CAMKMT: variants seen among roughly 807,000 people sequenced by gnomAD.
The protein encoded by CAMKMT is CaM KMT.
CAMKMT carries 53 observed loss-of-function variants against 48.0 expected under a neutral mutation model. That is an observed-to-expected ratio of 1.10 (90% CI 0.89 to 1.39). CAMKMT has a LOEUF of 1.39. CAMKMT is among the 40% of genes most tolerant of loss of function. The pLI is 0.00. For synonymous variants in CAMKMT, 165 were observed against 152.3 expected, an observed-to-expected ratio of 1.08 and a Z score of -0.61; for missense variants, 428 against 402.7, an observed-to-expected ratio of 1.06 and a Z score of -0.54.
chr2:44,614,337 G>C (rs1266326347), intron 3 of CAMKMT, among the ~76,000 whole-genome samples: 1 of 152,214 alleles, frequency 6.6e-6, no homozygotes, highest in East Asian at 1.9e-4. Context: ...TACAGTTCCT[G>C]TCTGGTGAGA....
At chr2:44,746,842 G>A (rs1558832925) in intron 8 of CAMKMT, among the ~76,000 whole-genome samples, 1 of 152,174 alleles carries the variant, frequency 6.6e-6, no homozygotes, top group South Asian at 2.1e-4. Context: ...TTAGAATAGT[G>A]AGTGATTGTT....
In CAMKMT at chr2:44,719,470, C is replaced by T. The variant is rs74744736; in HGVS notation, c.623+4117C>T. Among the ~76,000 whole-genome samples, 1,155 of 152,228 alleles carry T rather than the reference C, an allele frequency of 7.6e-3. 18 individuals carry two copies. The highest frequency in any genetic ancestry group is 0.026 in the African/African-American group (1,094 of 41,538). On this transcript the variant is annotated intron_variant, in intron 7 of 10. Transcript: ENST00000378494. Reference sequence around the variant, plus strand: ...GAGTGGTAAACAAGATGGAAAAGGCCGTGCCTTCTTGGAGTTTATGTCCTA... The same window carrying T: ...GAGTGGTAAACAAGATGGAAAAGGCTGTGCCTTCTTGGAGTTTATGTCCTA...
chr2:44,443,164 G>A (rs141548762), intron 3 of CAMKMT, among the ~76,000 whole-genome samples: 10 of 152,154 alleles, frequency 6.6e-5, no homozygotes, highest in Non-Finnish European at 1.0e-4. Context: ...AAAAATGTTC[G>A]TATCATTTGG....
At chr2:44,456,468 G>T in intron 3 of CAMKMT, 1 of 1,406,458 alleles carries the variant, frequency 7.1e-7, no homozygotes, top group Non-Finnish European at 9.6e-7. Context: ...ATATAAATAT[G>T]TACATTCTTG....
At chr2:44,597,279 G>A (rs912982869) in intron 3 of CAMKMT, among the ~76,000 whole-genome samples, 5 of 152,210 alleles carry the variant, frequency 3.3e-5, no homozygotes, top group Admixed American at 1.3e-4. Flanking sequence ...GTCCTTGGCA[G>A]ATGGATTAAT....
chr2:44,756,052 G>C (rs947342309), intron 9 of CAMKMT, among the ~76,000 whole-genome samples: 3 of 152,218 alleles, frequency 2.0e-5, no homozygotes, highest in Non-Finnish European at 4.4e-5. Context: ...AGTTGTGGAT[G>C]GCACATGGAC....
chr2:44,379,682 A>G (rs1041668700), intron 2 of CAMKMT, among the ~76,000 whole-genome samples: 9 of 151,656 alleles, frequency 5.9e-5, no homozygotes, highest in African/African-American at 1.7e-4. Flanking sequence ...GATGTTGAGT[A>G]TCTTTTCATG....
chr2:44,558,895 A>G (rs1010834849), intron 3 of CAMKMT, among the ~76,000 whole-genome samples: 1 of 152,130 alleles, frequency 6.6e-6, no homozygotes, highest in Admixed American at 6.6e-5. Context: ...TGAATTACTC[A>G]TGTAACAAAC....
chr2:44,577,661 G>C (rs1669300985), intron 3 of CAMKMT, among the ~76,000 whole-genome samples: 1 of 134,706 alleles, frequency 7.4e-6, no homozygotes, highest in Non-Finnish European at 1.6e-5. Context: ...GGGAGAGAGA[G>C]GGAGAGGGAG....
intron 3 of CAMKMT, among the ~76,000 whole-genome samples, chr2:44,665,139 C>T (rs546700180): frequency 2.6e-5 from 4 of 152,184 alleles, no homozygotes; most frequent in South Asian, 2.1e-4. Flanking sequence ...GGTGCGATCT[C>T]GGCTCACTGC....
rs542884765 is a variant in CAMKMT, at chr2:44,393,258, A to AT, written c.376+2960dup. ...AACTTATTTACTATTAGAAAAGATA[A>AT]TTTTTTTGTATTTACTTTTTTGTAT... On this transcript the variant is annotated intron_variant, in intron 3 of 10. Coordinates refer to ENST00000378494, the MANE Select transcript of CAMKMT (RefSeq NM_024766.5). The AT allele has an allele frequency of 3.9e-5, 6 of 152,224 alleles. No homozygotes were observed. In the East Asian group the frequency reaches 5.8e-4, roughly 15 times the overall value. The allele number at this position is 152,224 out of a possible 1,614,324, so 9.4% of individuals were successfully genotyped here.
chr2:44,541,971 A>G (rs1031030610), intron 3 of CAMKMT, among the ~76,000 whole-genome samples: 4 of 152,000 alleles, frequency 2.6e-5, no homozygotes, highest in Non-Finnish European at 2.9e-5. Flanking sequence ...TCTACTAAAA[A>G]TACAAATTAA....
chr2:44,562,270 T>G (rs1268300817), intron 3 of CAMKMT, among the ~76,000 whole-genome samples: 1 of 152,162 alleles, frequency 6.6e-6, no homozygotes, highest in Non-Finnish European at 1.5e-5. Context: ...AACAAACGAA[T>G]TCTATTTTTC....
At chr2:44,475,911 T>C (rs565561215) in intron 3 of CAMKMT, among the ~76,000 whole-genome samples, 8 of 152,210 alleles carry the variant, frequency 5.3e-5, no homozygotes, top group Non-Finnish European at 8.8e-5. Context: ...CACCTACTTA[T>C]GTCCCTTAAA....
intron 3 of CAMKMT, among the ~76,000 whole-genome samples, chr2:44,410,555 A>G (rs1683132818): frequency 6.6e-6 from 1 of 152,014 alleles, no homozygotes; most frequent in Admixed American, 6.6e-5. Context: ...TAAAATTGAG[A>G]GGTACAATCA....
At chr2:44,743,493 A>T (rs939077430) in intron 7 of CAMKMT, 129 bp from the exon 8 acceptor site, 4 of 624,514 alleles carry the variant, frequency 6.4e-6, no homozygotes, top group East Asian at 5.8e-5. Flanking sequence ...TTTTTATTAT[A>T]CCTTTTGAAA....
chr2:44,561,638 G>A (rs989724427), intron 3 of CAMKMT, among the ~76,000 whole-genome samples: 1 of 152,070 alleles, frequency 6.6e-6, no homozygotes, highest in Non-Finnish European at 1.5e-5. Context: ...TCCCTTTTCA[G>A]GAGGTGAATG....
chr2:44,656,842 A>G (rs1674406955), intron 3 of CAMKMT, among the ~76,000 whole-genome samples: 2 of 152,174 alleles, frequency 1.3e-5, no homozygotes, highest in African/African-American at 4.8e-5. Flanking sequence ...ATGAGGTAGC[A>G]CACTTAAACT....
chr2:44,650,770 T>C (rs563672338), intron 3 of CAMKMT, among the ~76,000 whole-genome samples: 1 of 152,184 alleles, frequency 6.6e-6, no homozygotes, highest in African/African-American at 2.4e-5. Flanking sequence ...TTTTGAATAT[T>C]TGTGTGGTTA....
Sources: allele counts gnomAD v4.1 joint callset (sites outside exome capture counted in the v4.1 genomes callset), GRCh38; gene constraint gnomAD v4.1.1; transcripts MANE v1.5; gene names NCBI Gene and HGNC (gene_info 2026-07-23, HGNC 2026-07-21).